LDLRAD3: variants seen among roughly 807,000 people sequenced by gnomAD.
LDLRAD3 encodes the protein low-density lipoprotein receptor class A domain-containing protein 3.
In LDLRAD3, 20 loss-of-function variants were observed where a neutral mutation model predicts 29.4. That is an observed-to-expected ratio of 0.68 (90% confidence interval 0.48 to 0.99). The LOEUF is 0.99. Among genes scored for constraint, LDLRAD3 ranks in the 50% least tolerant of loss-of-function variants. The pLI is 0.00. For synonymous variants in LDLRAD3, 157 were observed against 192.7 expected (o/e 0.81, Z 1.53); for missense variants, 420 against 454.3 (o/e 0.92, Z 0.69).
chr11:35,978,020 C>T (rs1377128863), intron 1 of LDLRAD3, among the ~76,000 whole-genome samples: 3 of 152,076 alleles, frequency 2.0e-5, no homozygotes, highest in African/African-American at 4.8e-5. Flanking sequence ...CAGTGGTCAC[C>T]GTGGCAGACT....
At chr11:36,152,905 G>T (rs973026213) in intron 4 of LDLRAD3, among the ~76,000 whole-genome samples, 12 of 152,084 alleles carry the variant, frequency 7.9e-5, no homozygotes, top group Admixed American at 5.2e-4. Flanking sequence ...GGTGCTCTTG[G>T]GGACCTCCAA....
Position 36,182,382 on chromosome 11 carries a change from C to T in LDLRAD3, c.455-44703C>T, listed in dbSNP as rs577748371. 2.0e-5 allele frequency among the ~76,000 whole-genome samples: 3 copies of T among 150,624 alleles called. No homozygotes were observed. In the East Asian group the frequency reaches 5.8e-4, roughly 29 times the overall value. ...GACCACTCTCCCCTCCACCTGCCCC[C>T]GCAAAAAAAAAGAAAGGTAGTATAG... On this transcript the variant is annotated intron_variant, in intron 4 of 5. Transcript: ENST00000315571.
intron 2 of LDLRAD3, among the ~76,000 whole-genome samples, chr11:36,059,347 AC>A (rs1263094267): frequency 8.3e-6 from 1 of 120,556 alleles, no homozygotes; most frequent in African/African-American, 3.0e-5. Flanking sequence ...ACAGAGTGAA[AC>A]CCTGTCTCAG....
rs75543415 is a variant in LDLRAD3, at chr11:36,157,122, C to T, written c.454+58661C>T. Among the ~76,000 whole-genome samples the T allele has an allele frequency of 2.4e-4, 36 of 152,290 alleles. 1 individual carries two copies. In the East Asian group the frequency reaches 6.0e-3, roughly 25 times the overall value. On this transcript the variant is annotated intron_variant, in intron 4 of 5. Coordinates refer to ENST00000315571, the MANE Select transcript of LDLRAD3 (RefSeq NM_174902.4). The stretch of plus-strand genomic sequence containing the variant: ...CTATTAAGGGCAATCTTTTGGTCTC[C>T]TGCTGGAAAGAGAGGACCCCATTCA...
At chr11:36,152,780 T>A (rs1179363928) in intron 4 of LDLRAD3, among the ~76,000 whole-genome samples, 2 of 152,220 alleles carry the variant, frequency 1.3e-5, no homozygotes, top group Non-Finnish European at 2.9e-5. Context: ...CTTTACTCCA[T>A]GCACCTTTTT....
intron 2 of LDLRAD3, among the ~76,000 whole-genome samples, chr11:36,059,067 T>C (rs895297896): frequency 6.6e-6 from 1 of 152,130 alleles, no homozygotes; most frequent in African/African-American, 2.4e-5. Flanking sequence ...GAGTGGTCTT[T>C]TATAAAGGAT....
intron 2 of LDLRAD3, among the ~76,000 whole-genome samples, chr11:36,064,616 G>A (rs1424687240): frequency 6.7e-6 from 1 of 150,292 alleles, no homozygotes; most frequent in Non-Finnish European, 1.5e-5. Context: ...TACCACTCTT[G>A]GCTAGTTCTA....
At position 36,231,693 on chromosome 11, in the gene LDLRAD3, A is replaced by G. The variant is rs1218593007; in HGVS notation, c.*2296A>G. ...TTTTTATTATAGATTTGATTTTTTTAATGAATGTTTTTAAAAATATATAAA... is the reference window on the plus strand; with the variant it reads ...TTTTTATTATAGATTTGATTTTTTTGATGAATGTTTTTAAAAATATATAAA... On this transcript the variant is annotated 3_prime_UTR_variant, in exon 6 of 6. Coordinates refer to ENST00000315571, the MANE Select transcript of LDLRAD3 (RefSeq NM_174902.4). 6.6e-6 allele frequency: 1 copy of G among 152,170 alleles called. No homozygotes were observed. 9.4% of individuals were successfully genotyped at this position (152,170 alleles called of 1,614,324 possible).
At chr11:36,160,777 G>A (rs1301787763) in intron 4 of LDLRAD3, among the ~76,000 whole-genome samples, 6 of 152,106 alleles carry the variant, frequency 3.9e-5, no homozygotes, top group African/African-American at 9.7e-5. Flanking sequence ...GTGAGAACTC[G>A]AAATGGAAAC....
chr11:36,185,575 C>G (rs1854835843), intron 4 of LDLRAD3, among the ~76,000 whole-genome samples: 1 of 150,962 alleles, frequency 6.6e-6, no homozygotes, highest in Admixed American at 6.6e-5. Flanking sequence ...CAGTGTCTGT[C>G]ATTGAAAAGT....
chr11:36,159,682 A>G (rs1268334070), intron 4 of LDLRAD3, among the ~76,000 whole-genome samples: 21 of 141,522 alleles, frequency 1.5e-4, no homozygotes, highest in South Asian at 2.4e-4. Flanking sequence ...CTGAGGTGGG[A>G]GGATTGCTTG....
intron 2 of LDLRAD3, among the ~76,000 whole-genome samples, chr11:36,061,727 C>T (rs1439893041): frequency 6.6e-6 from 1 of 152,158 alleles, no homozygotes; most frequent in Non-Finnish European, 1.5e-5. Context: ...GTGCATAAAG[C>T]TCAGCCTGGA....
At chr11:36,032,424 G>A (rs764035885) in intron 1 of LDLRAD3, among the ~76,000 whole-genome samples, 1 of 152,142 alleles carries the variant, frequency 6.6e-6, no homozygotes, top group Non-Finnish European at 1.5e-5. Flanking sequence ...CTGAGGACAC[G>A]GAGAACCCAT....
intron 4 of LDLRAD3, among the ~76,000 whole-genome samples, chr11:36,173,441 G>T (rs147151047): frequency 0.052 from 7,716 of 149,556 alleles, 416 homozygotes; most frequent in East Asian, 0.33. Context: ...GCAGTATTTG[G>T]TTTTTTGTCC....
intron 1 of LDLRAD3, among the ~76,000 whole-genome samples, chr11:36,007,320 A>T (rs1276324690): frequency 3.3e-5 from 5 of 152,150 alleles, no homozygotes; most frequent in Admixed American, 6.5e-5. Flanking sequence ...GTTGGCACTG[A>T]ATTGGCAGGT....
At chr11:35,969,773 C>G (rs1161907755) in intron 1 of LDLRAD3, among the ~76,000 whole-genome samples, 1 of 152,184 alleles carries the variant, frequency 6.6e-6, no homozygotes, top group Non-Finnish European at 1.5e-5. Context: ...CTTGAGGCCC[C>G]TTATTGGCAG....
intron 4 of LDLRAD3, among the ~76,000 whole-genome samples, chr11:36,217,196 CTCTG>C (rs1198607831): frequency 1.3e-5 from 2 of 152,092 alleles, no homozygotes; most frequent in African/African-American, 2.4e-5. Flanking sequence ...GTAGTTTTGA[CTCTG>C]TCTGTAAGTG....
At chr11:36,046,927 G>A (rs1004192419) in intron 2 of LDLRAD3, among the ~76,000 whole-genome samples, 1 of 152,218 alleles carries the variant, frequency 6.6e-6, no homozygotes, top group East Asian at 1.9e-4. Flanking sequence ...TCAGGTGGAT[G>A]TACTCTTTTT....
At chr11:36,123,729 C>G (rs975045738) in intron 4 of LDLRAD3, among the ~76,000 whole-genome samples, 1 of 152,232 alleles carries the variant, frequency 6.6e-6, no homozygotes, top group Non-Finnish European at 1.5e-5. Flanking sequence ...TGGCAGATGT[C>G]CTGTTTTCCA....
Sources: allele counts gnomAD v4.1 joint callset (sites outside exome capture counted in the v4.1 genomes callset), GRCh38; gene constraint gnomAD v4.1.1; transcripts MANE v1.5; gene names NCBI Gene and HGNC (gene_info 2026-07-23, HGNC 2026-07-21).